COL6A6: variants seen among roughly 807,000 people sequenced by gnomAD.
The protein encoded by COL6A6 is collagen alpha-6(VI) chain.
COL6A6 carries 183 observed loss-of-function variants against 208.6 expected under a neutral mutation model. That is an observed-to-expected ratio of 0.88 (90% CI 0.78 to 0.99). The LOEUF is 0.99. Among genes scored for constraint, COL6A6 ranks in the 50% least tolerant of loss-of-function variants. The probability of loss-of-function intolerance (pLI) is 0.00; values close to 1 mark genes in which losing one functional copy is unlikely to be tolerated. For missense variants in COL6A6, 2,816 were observed against 2,815.2 expected, an observed-to-expected ratio of 1.00 and a Z score of -0.01; for synonymous variants, 973 against 1,011.8, an observed-to-expected ratio of 0.96 and a Z score of 0.73.
chr3:130,641,314 A>G (rs2065302371), intron 28 of COL6A6, among the ~76,000 whole-genome samples: 1 of 152,250 alleles, frequency 6.6e-6, no homozygotes, highest in Non-Finnish European at 1.5e-5. Flanking sequence ...TTGCCAAATA[A>G]TGTTTACTAA....
At chr3:130,564,539 A>G (rs2062970625) in intron 3 of COL6A6, among the ~76,000 whole-genome samples, 2 of 152,238 alleles carry the variant, frequency 1.3e-5, no homozygotes. Flanking sequence ...CTGTGAAACT[A>G]TGAGTCCTTA....
At chr3:130,645,370 T>C (rs2065437516) in intron 32 of COL6A6, among the ~76,000 whole-genome samples, 1 of 152,218 alleles carries the variant, frequency 6.6e-6, no homozygotes, top group African/African-American at 2.4e-5. Context: ...CTTGACCTTC[T>C]GGGCTCAAGT....
At chr3:130,669,471 G>T (rs915948059) in intron 36 of COL6A6, among the ~76,000 whole-genome samples, 1 of 151,524 alleles carries the variant, frequency 6.6e-6, no homozygotes, top group South Asian at 2.1e-4. Context: ...TAAATAATGG[G>T]ACAAAAAATT....
chr3:130,599,864 T>C (rs1199165784), intron 20 of COL6A6, 54 bp downstream of exon 20: 1 of 1,554,584 alleles, frequency 6.4e-7, no homozygotes, highest in African/African-American at 1.4e-5. Flanking sequence ...CATGTTGTGG[T>C]GAAAATGGCT....
At chr3:130,553,684 T>C (rs9814646) in intron 1 of COL6A6, among the ~76,000 whole-genome samples, 104,426 of 151,776 alleles carry the variant, frequency 0.69, 39,520 homozygotes, top group Non-Finnish European at 0.85. Flanking sequence ...GTAAGAACCA[T>C]TGCTGAGGAA....
chr3:130,636,422 A>G (rs1051313688), intron 28 of COL6A6, among the ~76,000 whole-genome samples: 14 of 152,208 alleles, frequency 9.2e-5, no homozygotes, highest in African/African-American at 2.4e-4. Context: ...TAGACTGTGT[A>G]TAAGTGAGAA....
At chr3:130,576,573 T>A (rs556531652) in intron 8 of COL6A6, among the ~76,000 whole-genome samples, 3 of 152,158 alleles carry the variant, frequency 2.0e-5, no homozygotes, top group Admixed American at 2.0e-4. Context: ...AGTTTCTATC[T>A]GAGTGTGATG....
intron 30 of COL6A6, 26 bp downstream of exon 30, chr3:130,642,893 G>A (rs377380329): frequency 1.1e-5 from 17 of 1,613,214 alleles, no homozygotes; most frequent in Non-Finnish European, 1.2e-5. Context: ...CTACAACAGA[G>A]TGCTCTGAGT....
intron 26 of COL6A6, among the ~76,000 whole-genome samples, chr3:130,627,688 G>A (rs1015451610): frequency 2.0e-5 from 3 of 152,180 alleles, no homozygotes; most frequent in East Asian, 1.9e-4. Flanking sequence ...ACTCAGGGAA[G>A]CATTCCAAAA....
chr3:130,571,720 G>A (rs754081977), intron 7 of COL6A6, among the ~76,000 whole-genome samples: 1 of 152,044 alleles, frequency 6.6e-6, no homozygotes, highest in Non-Finnish European at 1.5e-5. Context: ...TGTTGCCCAG[G>A]CTGGAGTGCA....
intron 1 of COL6A6, among the ~76,000 whole-genome samples, chr3:130,522,760 T>C (rs1189731468): frequency 3.9e-5 from 6 of 152,150 alleles, no homozygotes; most frequent in Non-Finnish European, 7.3e-5. Flanking sequence ...TCTGTCCTTC[T>C]CACTTCATCA....
intron 36 of COL6A6, 142 bp downstream of exon 36, chr3:130,665,238 T>A (rs1002498071): frequency 1.7e-6 from 1 of 577,664 alleles, no homozygotes; most frequent in African/African-American, 1.9e-5. Flanking sequence ...AAAATATAAT[T>A]CGAAGGAACA....
chr3:130,536,580 C>G (rs2062230614), intron 1 of COL6A6, among the ~76,000 whole-genome samples: 2 of 152,140 alleles, frequency 1.3e-5, no homozygotes, highest in Non-Finnish European at 2.9e-5. Context: ...CCAAACGTCC[C>G]TTTAAGAAGG....
chr3:130,673,083 G>A (rs1300670582), intron 36 of COL6A6, among the ~76,000 whole-genome samples: 1 of 147,594 alleles, frequency 6.8e-6, no homozygotes, highest in Non-Finnish European at 1.5e-5. Context: ...CGAGGCTGAG[G>A]TAGAAGAATT....
intron 18 of COL6A6, among the ~76,000 whole-genome samples, chr3:130,595,156 A>G (rs1439657030): frequency 6.6e-6 from 1 of 152,196 alleles, no homozygotes; most frequent in Admixed American, 6.5e-5. Flanking sequence ...CAGGAGCACA[A>G]CCCAGCTGAG....
intron 3 of COL6A6, among the ~76,000 whole-genome samples, chr3:130,564,163 A>T (rs1334613594): frequency 6.6e-6 from 1 of 152,244 alleles, no homozygotes; most frequent in Non-Finnish European, 1.5e-5. Context: ...CCCAGGGGCC[A>T]GGCTGTGACT....
intron 32 of COL6A6, among the ~76,000 whole-genome samples, chr3:130,646,848 A>G (rs1165390186): frequency 6.6e-6 from 1 of 152,118 alleles, no homozygotes; most frequent in Non-Finnish European, 1.5e-5. Flanking sequence ...GTAGGGGAGG[A>G]GCATGATCTG....
At chr3:130,669,692 G>A (rs919172060) in intron 36 of COL6A6, among the ~76,000 whole-genome samples, 3 of 152,092 alleles carry the variant, frequency 2.0e-5, no homozygotes, top group African/African-American at 7.2e-5. Context: ...AGAAATGAAT[G>A]AGTAGAACTT....
chr3:130,614,741 G>T (rs779106228), intron 23 of COL6A6, among the ~76,000 whole-genome samples: 1 of 152,070 alleles, frequency 6.6e-6, no homozygotes, highest in Non-Finnish European at 1.5e-5. Context: ...TTCTTGGGAG[G>T]TTGTTTGTGT....
Sources: allele counts gnomAD v4.1 joint callset (sites outside exome capture counted in the v4.1 genomes callset), GRCh38; gene constraint gnomAD v4.1.1; transcripts MANE v1.5; gene names NCBI Gene and HGNC (gene_info 2026-07-23, HGNC 2026-07-21).